NIPSNAP3A: variants seen among roughly 807,000 people sequenced by gnomAD.
NIPSNAP3A encodes nipsnap homolog 3A.
NIPSNAP3A carries 27 observed loss-of-function variants against 32.3 expected under a neutral mutation model. The ratio of observed to expected loss-of-function variants is 0.84; its 90% CI spans 0.62 to 1.15. The LOEUF (loss-of-function observed/expected upper bound fraction) is 1.15, where lower values mean the gene tolerates loss of function less well. Ranked by LOEUF, NIPSNAP3A falls within the 50% of genes most tolerant of loss-of-function variation. The probability of loss-of-function intolerance (pLI) is 0.00; values close to 1 mark genes in which losing one functional copy is unlikely to be tolerated. For synonymous variants in NIPSNAP3A, 108 were observed against 107.3 expected (o/e 1.01, Z -0.04); for missense variants, 278 against 297.2 (o/e 0.94, Z 0.48).
intron 4 of NIPSNAP3A, 24 bp downstream of exon 4, chr9:104,754,724 T>C: frequency 6.3e-7 from 1 of 1,594,608 alleles, no homozygotes; most frequent in South Asian, 1.1e-5. Context: ...TTTCTTCTTA[T>C]ATGAAATTGT....
chr9:104,748,100 G>A (rs1588158918), intron 1 of NIPSNAP3A, among the ~76,000 whole-genome samples: 1 of 151,702 alleles, frequency 6.6e-6, no homozygotes, highest in African/African-American at 2.4e-5. Flanking sequence ...GTGGTGGTCA[G>A]AAGGCTTTTC....
intron 3 of NIPSNAP3A, chr9:104,754,226 A>G (rs964496059): frequency 5.2e-5 from 9 of 173,776 alleles, no homozygotes; most frequent in Non-Finnish European, 1.1e-4. Context: ...TTTGCAGCTC[A>G]AAATTCTATA....
At chr9:104,747,883 C>G (rs1426694196) in intron 1 of NIPSNAP3A, 31 bp downstream of exon 1, 1 of 1,533,866 alleles carries the variant, frequency 6.5e-7, no homozygotes, top group Non-Finnish European at 8.7e-7. Flanking sequence ...CAAGCCTTCA[C>G]CCGACGGGAG....
intron 1 of NIPSNAP3A, 56 bp downstream of exon 1, chr9:104,747,908 GGGGA>G: frequency 6.7e-7 from 1 of 1,485,090 alleles, no homozygotes. Context: ...GGGGCGGGGC[GGGGA>G]GTGTTCCGGG....
At chr9:104,749,983 C>G (rs966183204) in intron 1 of NIPSNAP3A, among the ~76,000 whole-genome samples, 1 of 152,114 alleles carries the variant, frequency 6.6e-6, no homozygotes, top group African/African-American at 2.4e-5. Flanking sequence ...TAGGTCAGAG[C>G]TTTTTATTGC....
intron 4 of NIPSNAP3A, among the ~76,000 whole-genome samples, chr9:104,755,515 A>C (rs1827896181): frequency 6.6e-6 from 1 of 152,088 alleles, no homozygotes; most frequent in Non-Finnish European, 1.5e-5. Flanking sequence ...ATATAAATTT[A>C]TTTAATAAAA....
chr9:104,753,367 G>A (rs561514833), intron 3 of NIPSNAP3A, among the ~76,000 whole-genome samples: 16 of 152,284 alleles, frequency 1.1e-4, no homozygotes, highest in East Asian at 3.9e-4. Context: ...AGCAGAGAAC[G>A]TGTTGATAGG....
At chr9:104,747,947 T>C (rs1467299675) in intron 1 of NIPSNAP3A, 95 bp downstream of exon 1, 2 of 1,231,498 alleles carry the variant, frequency 1.6e-6, no homozygotes, top group Non-Finnish European at 2.2e-6. Context: ...GCGCATGCGC[T>C]CTCCGCCACG....
chr9:104,752,467 T>G (rs1272977376), intron 2 of NIPSNAP3A, among the ~76,000 whole-genome samples: 2 of 132,206 alleles, frequency 1.5e-5, no homozygotes, highest in African/African-American at 2.5e-5. Flanking sequence ...CACTATAAGT[T>G]AAATGCCTCA....
intron 4 of NIPSNAP3A, among the ~76,000 whole-genome samples, 184 bp from the exon 5 acceptor site, chr9:104,758,901 C>G (rs1588162593): frequency 7.5e-6 from 1 of 133,880 alleles, no homozygotes; most frequent in Admixed American, 8.9e-5. Context: ...ACCCAGGAGG[C>G]AGATGTTGCA....
intron 4 of NIPSNAP3A, among the ~76,000 whole-genome samples, chr9:104,755,363 C>G (rs943687368): frequency 2.6e-5 from 4 of 151,524 alleles, no homozygotes; most frequent in Non-Finnish European, 5.9e-5. Context: ...GAGATTATCT[C>G]TAAGCAAAAA....
At chr9:104,750,916 T>G (rs773867326) in intron 1 of NIPSNAP3A, 40 bp from the exon 2 acceptor site, 11 of 1,474,510 alleles carry the variant, frequency 7.5e-6, no homozygotes, top group Non-Finnish European at 1.0e-5. Flanking sequence ...TAATGAATCC[T>G]GTCTTCTCAA....
At position 104,750,945 on chromosome 9, in the gene NIPSNAP3A, A is replaced by G; in HGVS notation, c.61-11A>G. On this transcript the variant is annotated splice_polypyrimidine_tract_variant and intron_variant, in intron 1 of 5. Coordinates refer to ENST00000374767, the MANE Select transcript of NIPSNAP3A (RefSeq NM_015469.3). ...TTCTCAAGATATTTACATTTGTCTT[A>G]TCTTCTTCAGATGTGCTCATCTTTT... 2 of 1,595,300 alleles carry G rather than the reference A, an allele frequency of 1.3e-6. No homozygotes were observed. The highest frequency in any genetic ancestry group is 1.7e-6 in the Non-Finnish European group (2 of 1,162,832).
chr9:104,758,424 A>G (rs988177392), intron 4 of NIPSNAP3A, among the ~76,000 whole-genome samples: 2 of 152,138 alleles, frequency 1.3e-5, no homozygotes, highest in Non-Finnish European at 2.9e-5. Flanking sequence ...TTTGCTCATA[A>G]TTTTGCTTTT....
chr9:104,752,865 A>G, intron 2 of NIPSNAP3A, 41 bp from the exon 3 acceptor site: 1 of 1,554,286 alleles, frequency 6.4e-7, no homozygotes. Context: ...GGTGATTTAA[A>G]ATTGAATTTT....
In NIPSNAP3A at chr9:104,747,747, CAGAA is replaced by C. The variant is rs1205685079; in HGVS notation, c.-43_-40del. On this transcript the variant is annotated 5_prime_UTR_variant, in exon 1 of 6. Transcript: ENST00000374767. ...ACTCGGGAAACCTTCAGAGGAGTCT[CAGAA>C]AGGACACGGCTGGCTGCTTTTCTCA... The C allele has an allele frequency of 1.9e-6, 3 of 1,577,338 alleles. No homozygotes were observed. The highest frequency in any genetic ancestry group is 2.6e-6 in the Non-Finnish European group (3 of 1,158,692).
chr9:104,758,129 TAAA>T (rs1304490811), intron 4 of NIPSNAP3A, among the ~76,000 whole-genome samples: 1 of 152,112 alleles, frequency 6.6e-6, no homozygotes, highest in Non-Finnish European at 1.5e-5. Context: ...GGAAATAGTC[TAAA>T]TAGTCAACAA....
chr9:104,753,094 T>C (rs751925697), intron 3 of NIPSNAP3A, 30 bp downstream of exon 3: 8 of 1,585,950 alleles, frequency 5.0e-6, no homozygotes, highest in Non-Finnish European at 6.9e-6. Context: ...TCACTGAGTT[T>C]TGATGAATAA....
chr9:104,754,677 C>CA lies in NIPSNAP3A; in HGVS notation c.558dup (p.Glu187ArgfsTer15), dbSNP rs1827885683. The CA allele has an allele frequency of 6.2e-7, 1 of 1,613,728 alleles. No individual in the cohort carries two copies. The highest frequency in any genetic ancestry group is 1.7e-5 in the Admixed American group (1 of 60,002). On this transcript the variant is annotated frameshift_variant, in exon 4 of 6. Coordinates refer to ENST00000374767, the MANE Select transcript of NIPSNAP3A (RefSeq NM_015469.3). LOFTEE classifies it high-confidence loss of function. ...ACAAAACTAGTTGGAGTGTTCCACA[C>CA]AGAGTACGGAGCACTCAACAGAGGT...
Sources: gnomAD v4.1 joint callset for allele counts (sites outside exome capture counted in the v4.1 genomes callset) on GRCh38, gnomAD v4.1.1 for gene constraint, MANE v1.5 for transcripts, NCBI Gene and HGNC (gene_info 2026-07-23, HGNC 2026-07-21) for gene names.